Variants in GALNT15 observed in about 807,000 individuals in gnomAD.
The protein encoded by GALNT15 is polypeptide N-acetylgalactosaminyltransferase 15.
Under a neutral mutation model 66.8 loss-of-function variants are expected in GALNT15, and 67 were observed. That is an observed-to-expected ratio of 1.00 (90% confidence interval 0.82 to 1.23). The LOEUF (loss-of-function observed/expected upper bound fraction) is 1.23, where lower values mean the gene tolerates loss of function less well. Ranked by LOEUF, GALNT15 falls within the 50% of genes most tolerant of loss-of-function variation. The probability of loss-of-function intolerance (pLI) is 0.00; values close to 1 mark genes in which losing one functional copy is unlikely to be tolerated. For synonymous variants in GALNT15, 313 were observed against 311.5 expected, an observed-to-expected ratio of 1.00 and a Z score of -0.05; for missense variants, 827 against 804.3, an observed-to-expected ratio of 1.03 and a Z score of -0.34.
At position 16,210,684 on chromosome 3, in the gene GALNT15, G is replaced by A. The variant is rs1167749413; in HGVS notation, c.1080-440G>A. On this transcript the variant is annotated intron_variant, in intron 4 of 9. Transcript: ENST00000339732. Reference sequence around the variant, plus strand: ...TTCATCATAGAATTGGGAAGAGGGTGGATGGTCATTAGGAAAACAGAAGAG... The same window carrying A: ...TTCATCATAGAATTGGGAAGAGGGTAGATGGTCATTAGGAAAACAGAAGAG... 2.6e-5 allele frequency among the ~76,000 whole-genome samples: 4 copies of A among 152,210 alleles called. No homozygotes were observed. The East Asian group carries it at 5.8e-4, about 22-fold the overall frequency.
intron 8 of GALNT15, among the ~76,000 whole-genome samples, chr3:16,222,059 A>G (rs1342105490): frequency 1.3e-5 from 2 of 152,260 alleles, no homozygotes; most frequent in African/African-American, 2.4e-5. Context: ...TGCATCTGAC[A>G]GAAACAAACA....
Position 16,212,679 on chromosome 3 carries a change from CAG to C in GALNT15, c.1309_1310del (p.Arg437GlyfsTer5). On this transcript the variant is annotated frameshift_variant, in exon 6 of 10. Transcript: ENST00000339732. LOFTEE classifies it high-confidence loss of function. Reference sequence around the variant, plus strand: ...TCGACCAGGAGGCCACCCTGAGGAACAGGGTTCGCATTGCTGAGACCTGGCTG... The same window carrying C: ...TCGACCAGGAGGCCACCCTGAGGAACGGTTCGCATTGCTGAGACCTGGCTG... ...PLDQEATLRN[R>X]VRIAETWLGS... The C allele has an allele frequency of 1.2e-6, 2 of 1,614,076 alleles. No homozygotes were observed. Among genetic ancestry groups the C allele is most frequent in the Non-Finnish European group, 8.5e-7 (1 of 1,180,022 alleles).
At position 16,219,777 on chromosome 3, in the gene GALNT15, A is replaced by G. The variant is rs1285659120; in HGVS notation, c.1525-133A>G. ...TAGGGTCAGTGGCTTCAGCTTTACC[A>G]CACCTGTTGTTGTGGCCTGAACAAT... On this transcript the variant is annotated intron_variant, in intron 7 of 9. Transcript: ENST00000339732. The surrounding 1 kb of genome is among the most constrained non-coding windows in gnomAD (Gnocchi z 4.3). 1.1e-6 allele frequency: 1 copy of G among 894,038 alleles called. No individual in the cohort carries two copies. Among genetic ancestry groups the G allele is most frequent in the South Asian group, 1.5e-5 (1 of 67,932 alleles). 55.4% of individuals were successfully genotyped at this position (894,038 alleles called of 1,614,324 possible).
At chr3:16,222,536 G>C in intron 8 of GALNT15, 79 bp from the exon 9 acceptor site, 1 of 1,565,244 alleles carries the variant, frequency 6.4e-7, no homozygotes, top group Non-Finnish European at 8.8e-7. Flanking sequence ...CAGCTCTATA[G>C]TGGGTTCTTC....
intron 6 of GALNT15, among the ~76,000 whole-genome samples, chr3:16,214,248 C>T (rs755177269): frequency 6.6e-6 from 1 of 152,192 alleles, no homozygotes; most frequent in African/African-American, 2.4e-5. Context: ...CCTTCTCCAT[C>T]GCCATCTGTG....
chr3:16,197,224 C>T (rs1559681295), intron 2 of GALNT15, among the ~76,000 whole-genome samples: 2 of 152,136 alleles, frequency 1.3e-5, no homozygotes, highest in Non-Finnish European at 2.9e-5. Context: ...GGAGCTGGGC[C>T]CCAGAGAAAT....
At chr3:16,207,259 C>T (rs1290595114) in intron 3 of GALNT15, among the ~76,000 whole-genome samples, 7 of 152,106 alleles carry the variant, frequency 4.6e-5, no homozygotes, top group African/African-American at 9.7e-5. Flanking sequence ...TATCTCCCCT[C>T]CCAGGAATCT....
chr3:16,209,803 C>T lies in GALNT15; in HGVS notation c.1079+1133C>T, dbSNP rs1574987934. Among the ~76,000 whole-genome samples, 1 of 152,152 alleles carries T rather than the reference C, an allele frequency of 6.6e-6. No homozygotes were observed. The highest frequency in any genetic ancestry group is 1.5e-5 in the Non-Finnish European group (1 of 68,030). On this transcript the variant is annotated intron_variant, in intron 4 of 9. Coordinates refer to ENST00000339732, the MANE Select transcript of GALNT15 (RefSeq NM_054110.5). The surrounding 1 kb of genome is among the most constrained non-coding windows in gnomAD (Gnocchi z 4.1). ...CACTACTGCACTCTAGCCTGGGTGACAGAGCAAGATTCTGTCTCAAAAACA... is the reference window on the plus strand; with the variant it reads ...CACTACTGCACTCTAGCCTGGGTGATAGAGCAAGATTCTGTCTCAAAAACA...
At chr3:16,218,860 G>C (rs1320939121) in intron 6 of GALNT15, among the ~76,000 whole-genome samples, 1 of 144,700 alleles carries the variant, frequency 6.9e-6, no homozygotes, top group Non-Finnish European at 1.5e-5. Flanking sequence ...TGTCGCCCAG[G>C]CTGGAGTACA....
At chr3:16,192,280 G>A (rs2063587473) in intron 1 of GALNT15, among the ~76,000 whole-genome samples, 1 of 152,190 alleles carries the variant, frequency 6.6e-6, no homozygotes, top group African/African-American at 2.4e-5. Context: ...TTGAGACAGA[G>A]AAAGGAGCCA....
the GALNT15 span, among the ~76,000 whole-genome samples, chr3:16,247,049 T>A: frequency 6.6e-6 from 1 of 152,008 alleles, no homozygotes; most frequent in Admixed American, 6.6e-5. Context: ...TTTGGATGAA[T>A]TTGAACCAGG....
chr3:16,181,032 T>C lies in GALNT15; in HGVS notation c.539+5342T>C, dbSNP rs1373125949. ...AATGAGACACAACGTGTGATGATTT[T>C]CCTTGTGTATTAAGTCCAAACAGAA... On this transcript the variant is annotated intron_variant, in intron 1 of 9. Coordinates refer to ENST00000339732, the MANE Select transcript of GALNT15 (RefSeq NM_054110.5). This position sits in a 1 kb window ranked among gnomAD's most constrained non-coding sequence, Gnocchi z 5.9. 2.6e-5 allele frequency among the ~76,000 whole-genome samples: 4 copies of C among 152,326 alleles called. No homozygotes were observed. The highest frequency in any genetic ancestry group is 2.1e-4 in the South Asian group (1 of 4,830).
intron 1 of GALNT15, among the ~76,000 whole-genome samples, chr3:16,185,828 G>A (rs796414725): frequency 2.6e-5 from 4 of 152,092 alleles, no homozygotes; most frequent in African/African-American, 7.2e-5. Flanking sequence ...GCTATTTGCC[G>A]TGTAACTTTA....
At chr3:16,223,509 AG>A (rs1212139526) in intron 9 of GALNT15, among the ~76,000 whole-genome samples, 5 of 152,184 alleles carry the variant, frequency 3.3e-5, no homozygotes, top group Non-Finnish European at 4.4e-5. Context: ...GGGAATAAAA[AG>A]GATAAAATGA....
rs2063624254 is a variant in GALNT15, at chr3:16,195,660, G to A, written c.540-100G>A. On this transcript the variant is annotated intron_variant, in intron 1 of 9. Transcript: ENST00000339732. This position sits in a 1 kb window ranked among gnomAD's most constrained non-coding sequence, Gnocchi z 4.6. ...AGATCCCATAGGACAGCCATATAAT[G>A]GGGGCAGCTCCAGCCAGAGCAAAGG... is the stretch of plus-strand genomic sequence containing the variant. 1 of 1,027,472 alleles carries A rather than the reference G, an allele frequency of 9.7e-7. No homozygotes were observed. Among genetic ancestry groups the A allele is most frequent in the Non-Finnish European group, 1.4e-6 (1 of 706,356 alleles). The allele number at this position is 1,027,472 out of a possible 1,614,324, so 63.6% of individuals were successfully genotyped here.
chr3:16,210,293 A>G (rs2063799525), intron 4 of GALNT15, among the ~76,000 whole-genome samples: 1 of 152,252 alleles, frequency 6.6e-6, no homozygotes, highest in African/African-American at 2.4e-5. Context: ...GTTGGAAATT[A>G]TACTGAATAA....
rs1297316030 is a variant in GALNT15 at position 16,211,628 on chromosome 3, A to G, written c.1197+387A>G. Among the ~76,000 whole-genome samples, 3 of 152,222 alleles carry G rather than the reference A, an allele frequency of 2.0e-5. No individual in the cohort carries two copies. The highest frequency in any genetic ancestry group is 4.4e-5 in the Non-Finnish European group (3 of 68,034). On this transcript the variant is annotated intron_variant, in intron 5 of 9. Coordinates refer to ENST00000339732, the MANE Select transcript of GALNT15 (RefSeq NM_054110.5). This position sits in a 1 kb window ranked among gnomAD's most constrained non-coding sequence, Gnocchi z 4.3. ...CTGTGTATTGAGTAGTTTGGTCCAA[A>G]CAATGTAATACTTGTCATAAAAACT...
rs745346660 is a variant in GALNT15, at chr3:16,181,252, C to G, written c.539+5562C>G. Among the ~76,000 whole-genome samples, 1 of 152,194 alleles carries G rather than the reference C, an allele frequency of 6.6e-6. No individual in the cohort carries two copies. Among genetic ancestry groups the G allele is most frequent in the Non-Finnish European group, 1.5e-5 (1 of 68,040 alleles). On this transcript the variant is annotated intron_variant, in intron 1 of 9. Coordinates refer to ENST00000339732, the MANE Select transcript of GALNT15 (RefSeq NM_054110.5). This position sits in a 1 kb window ranked among gnomAD's most constrained non-coding sequence, Gnocchi z 5.9. ...GAAAGTCTTAAAAACTATTCATACTCATGCTCCACTTCCAAGGATTTCTAT... is the reference window on the plus strand; with the variant it reads ...GAAAGTCTTAAAAACTATTCATACTGATGCTCCACTTCCAAGGATTTCTAT...
downstream of GALNT15, among the ~76,000 whole-genome samples, chr3:16,234,213 A>G (rs1316638801): frequency 2.0e-5 from 3 of 152,250 alleles, no homozygotes; most frequent in African/African-American, 7.2e-5. Flanking sequence ...AGGCTATAGT[A>G]GTGACACTGA....
Sources: allele counts gnomAD v4.1 joint callset (sites outside exome capture counted in the v4.1 genomes callset), GRCh38; gene constraint gnomAD v4.1.1; non-coding constraint Gnocchi (gnomAD v3.1); transcripts MANE v1.5; gene names NCBI Gene and HGNC (gene_info 2026-07-23, HGNC 2026-07-21).